Variants in SDHC observed in about 807,000 individuals in gnomAD.
The protein encoded by SDHC is succinate dehydrogenase cytochrome b560 subunit, mitochondrial.
A neutral mutation model predicts 22.6 loss-of-function variants in SDHC; 11 were observed. The ratio of observed to expected loss-of-function variants is 0.49; its 90% confidence interval spans 0.31 to 0.81. The LOEUF is 0.81. Ranked by LOEUF, SDHC falls within the 30% of genes least tolerant of loss-of-function variation. SDHC has a pLI of 0.05. For missense variants in SDHC, 160 were observed against 212.0 expected, an observed-to-expected ratio of 0.75 and a Z score of 1.52; for synonymous variants, 80 against 77.8, an observed-to-expected ratio of 1.03 and a Z score of -0.15.
At chr1:161,330,281 T>C (rs1399347858) in intron 3 of SDHC, among the ~76,000 whole-genome samples, 2 of 152,234 alleles carry the variant, frequency 1.3e-5, no homozygotes, top group Non-Finnish European at 2.9e-5. Context: ...GCTCTGGGTA[T>C]AATCCTTTTG....
intron 3 of SDHC, among the ~76,000 whole-genome samples, chr1:161,331,857 A>T (rs1671289382): frequency 6.6e-6 from 1 of 152,106 alleles, no homozygotes; most frequent in African/African-American, 2.4e-5. Context: ...GGCCTCCCAA[A>T]GTGCTGGGAT....
chr1:161,344,917 G>A (rs1404933453), intron 4 of SDHC, among the ~76,000 whole-genome samples: 4 of 152,178 alleles, frequency 2.6e-5, no homozygotes, highest in African/African-American at 9.7e-5. Flanking sequence ...CTGAAATGAA[G>A]TCAGTTCCAG....
At chr1:161,359,534 G>T (rs962424217) in intron 5 of SDHC, among the ~76,000 whole-genome samples, 2 of 152,146 alleles carry the variant, frequency 1.3e-5, no homozygotes, top group South Asian at 4.1e-4. Context: ...TCATATTTTG[G>T]CTCAGACAGA....
At chr1:161,321,361 G>A (rs1409693673) in intron 1 of SDHC, among the ~76,000 whole-genome samples, 2 of 152,162 alleles carry the variant, frequency 1.3e-5, no homozygotes, top group African/African-American at 2.4e-5. Flanking sequence ...TTCAAATAAG[G>A]TTATGGCATT....
At chr1:161,327,262 A>G (rs1458263057) in intron 2 of SDHC, among the ~76,000 whole-genome samples, 1 of 152,208 alleles carries the variant, frequency 6.6e-6, no homozygotes, top group Non-Finnish European at 1.5e-5. Context: ...TTGTCTATGT[A>G]AGGACTAAAC....
intron 5 of SDHC, among the ~76,000 whole-genome samples, chr1:161,358,590 T>C (rs1343684707): frequency 6.6e-6 from 1 of 151,764 alleles, no homozygotes; most frequent in Non-Finnish European, 1.5e-5. Flanking sequence ...TGAGCCGAGA[T>C]TGTGCCACTG....
At chr1:161,346,705 C>T (rs924355518) in intron 4 of SDHC, among the ~76,000 whole-genome samples, 1 of 151,894 alleles carries the variant, frequency 6.6e-6, no homozygotes, top group Non-Finnish European at 1.5e-5. Flanking sequence ...GCCATGATAG[C>T]TTTTTAATAA....
chr1:161,323,051 T>C (rs1423364557), intron 1 of SDHC, among the ~76,000 whole-genome samples: 1 of 151,956 alleles, frequency 6.6e-6, no homozygotes, highest in Non-Finnish European at 1.5e-5. Flanking sequence ...CGGGCTGGAG[T>C]GCAGTGGCAC....
intron 5 of SDHC, among the ~76,000 whole-genome samples, chr1:161,361,736 G>A (rs1672516530): frequency 6.6e-6 from 1 of 151,772 alleles, no homozygotes; most frequent in Non-Finnish European, 1.5e-5. Context: ...CCAGCTACTT[G>A]GGAGGCTGAG....
At chr1:161,324,465 C>T (rs1670976295) in intron 2 of SDHC, among the ~76,000 whole-genome samples, 1 of 152,140 alleles carries the variant, frequency 6.6e-6, no homozygotes, top group African/African-American at 2.4e-5. Context: ...TTTTTAAAAA[C>T]TTTTTATTTT....
chr1:161,343,056 C>T (rs962140487), intron 4 of SDHC, among the ~76,000 whole-genome samples: 5 of 152,186 alleles, frequency 3.3e-5, no homozygotes, highest in Admixed American at 1.3e-4. Context: ...CCTTCAGGTC[C>T]TATCGTGTAA....
At chr1:161,326,372 G>C (rs1187398109) in intron 2 of SDHC, among the ~76,000 whole-genome samples, 1 of 151,970 alleles carries the variant, frequency 6.6e-6, no homozygotes, top group Non-Finnish European at 1.5e-5. Context: ...TCTTGACCCA[G>C]ACCCCAAGAG....
At chr1:161,333,429 G>A (rs187918713) in intron 3 of SDHC, among the ~76,000 whole-genome samples, 1,797 of 145,730 alleles carry the variant, frequency 0.012, 40 homozygotes, top group African/African-American at 0.041. Flanking sequence ...TTTTAAAGAC[G>A]GAGTCTCGCT....
intron 5 of SDHC, among the ~76,000 whole-genome samples, chr1:161,360,224 A>G (rs1035470379): frequency 1.3e-5 from 2 of 149,954 alleles, no homozygotes; most frequent in African/African-American, 4.9e-5. Context: ...ATATGTTAAT[A>G]TCCCTAAGAC....
intron 3 of SDHC, among the ~76,000 whole-genome samples, chr1:161,334,136 C>A (rs560915608): frequency 1.3e-5 from 2 of 152,278 alleles, no homozygotes; most frequent in East Asian, 3.9e-4. Flanking sequence ...TTCTGGAGGC[C>A]CTAGGGAAGA....
chr1:161,317,563 T>G (rs1412778846), intron 1 of SDHC, among the ~76,000 whole-genome samples: 9 of 130,910 alleles, frequency 6.9e-5, no homozygotes, highest in African/African-American at 2.6e-4. Context: ...TTTTTTTTTT[T>G]TTTTTTTTTT....
chr1:161,358,032 C>CTTTTTT (rs34253350), intron 5 of SDHC, among the ~76,000 whole-genome samples: 3 of 104,840 alleles, frequency 2.9e-5, no homozygotes, highest in Non-Finnish European at 3.8e-5. Flanking sequence ...GGTTAGGAAT[C>CTTTTTT]TTTTTTTTTT....
intron 3 of SDHC, 76 bp downstream of exon 3, chr1:161,328,573 G>T: frequency 9.7e-7 from 1 of 1,035,568 alleles, no homozygotes; most frequent in South Asian, 1.3e-5. Flanking sequence ...TAGCCTACTT[G>T]ATACTTCCCT....
chr1:161,325,659 C>T (rs186925865), intron 2 of SDHC, among the ~76,000 whole-genome samples: 1 of 152,208 alleles, frequency 6.6e-6, no homozygotes, highest in East Asian at 1.9e-4. Flanking sequence ...TTGGTTTCAA[C>T]CTAGCCCAGT....
Sources: allele counts gnomAD v4.1 joint callset (sites outside exome capture counted in the v4.1 genomes callset), GRCh38; gene constraint gnomAD v4.1.1; transcripts MANE v1.5; gene names NCBI Gene and HGNC (gene_info 2026-07-23, HGNC 2026-07-21).